NTRK3: variants seen among roughly 807,000 people sequenced by gnomAD.
The protein encoded by NTRK3 is neurotrophic receptor tyrosine kinase 3.
NTRK3 carries 24 observed loss-of-function variants against 91.7 expected under a neutral mutation model. The observed-to-expected ratio is 0.26, with a 90% CI of 0.19 to 0.37. NTRK3 has a LOEUF of 0.37. Among genes scored for constraint, NTRK3 ranks in the 10% least tolerant of loss-of-function variants. The pLI is 1.00. For missense variants in NTRK3, 880 were observed against 1,068.9 expected, an observed-to-expected ratio of 0.82 and a Z score of 2.46; for synonymous variants, 483 against 404.0, an observed-to-expected ratio of 1.20 and a Z score of -2.34.
chr15:88,087,428 C>T (rs1034428126), intron 13 of NTRK3, among the ~76,000 whole-genome samples: 1 of 152,166 alleles, frequency 6.6e-6, no homozygotes, highest in Non-Finnish European at 1.5e-5. Context: ...GCTAGAGGAA[C>T]CATCCCAGTA....
At chr15:88,238,992 C>A (rs1237670333) in intron 3 of NTRK3, among the ~76,000 whole-genome samples, 1 of 152,244 alleles carries the variant, frequency 6.6e-6, no homozygotes, top group South Asian at 2.1e-4. Flanking sequence ...TCCACTCAGA[C>A]AGTGGCTGTG....
At chr15:87,951,908 C>G (rs1331447235) in intron 14 of NTRK3, among the ~76,000 whole-genome samples, 1 of 152,122 alleles carries the variant, frequency 6.6e-6, no homozygotes, top group Non-Finnish European at 1.5e-5. Context: ...AGATAGATCA[C>G]CTGAGGTCAG....
At chr15:88,185,942 T>C (rs537995831) in intron 3 of NTRK3, among the ~76,000 whole-genome samples, 7 of 152,318 alleles carry the variant, frequency 4.6e-5, no homozygotes, top group African/African-American at 1.4e-4. Flanking sequence ...GCTGGGGACA[T>C]GGACCAGGTG....
intron 14 of NTRK3, among the ~76,000 whole-genome samples, chr15:87,945,563 C>G (rs1233236660): frequency 6.6e-6 from 1 of 152,108 alleles, no homozygotes; most frequent in Non-Finnish European, 1.5e-5. Flanking sequence ...CAGGGGTTAT[C>G]CCTCATCCTA....
intron 3 of NTRK3, among the ~76,000 whole-genome samples, chr15:88,227,933 C>T (rs2050823987): frequency 3.3e-5 from 5 of 152,128 alleles, no homozygotes; most frequent in Non-Finnish European, 7.4e-5. Flanking sequence ...CCTTGGCCCT[C>T]CTCCCTTCTT....
intron 13 of NTRK3, among the ~76,000 whole-genome samples, chr15:88,053,567 G>C (rs879367532): frequency 2.6e-5 from 4 of 152,184 alleles, no homozygotes; most frequent in African/African-American, 4.8e-5. Context: ...AGGGGTATGG[G>C]CTATGGTGGG....
chr15:88,063,904 G>T (rs28558505), intron 13 of NTRK3, among the ~76,000 whole-genome samples: 29,925 of 152,180 alleles, frequency 0.2, 4,467 homozygotes, highest in African/African-American at 0.42. Flanking sequence ...GTAGTGACTT[G>T]TACAGTGTCT....
intron 17 of NTRK3, among the ~76,000 whole-genome samples, chr15:87,887,388 C>G (rs908105195): frequency 1.2e-4 from 18 of 152,168 alleles, no homozygotes; most frequent in African/African-American, 4.1e-4. Context: ...TTTTGACAAG[C>G]ACTTAACACC....
intron 17 of NTRK3, among the ~76,000 whole-genome samples, chr15:87,914,046 G>C (rs887344125): frequency 1.3e-5 from 2 of 152,200 alleles, no homozygotes; most frequent in African/African-American, 4.8e-5. Context: ...AACCTGCTGA[G>C]AAGCCAGGAA....
intron 5 of NTRK3, among the ~76,000 whole-genome samples, chr15:88,181,196 G>A (rs1294577016): frequency 1.3e-5 from 2 of 152,156 alleles, no homozygotes; most frequent in African/African-American, 4.8e-5. Flanking sequence ...ATGTGTCCAG[G>A]AGAAAACAGG....
exon 19 of NTRK3, chr15:87,874,092 C>T (rs1303163353): frequency 8.7e-6 from 2 of 229,552 alleles, no homozygotes; most frequent in Non-Finnish European, 1.7e-5. Context: ...CTTATCAGTC[C>T]TGTCCCAATA....
intron 14 of NTRK3, among the ~76,000 whole-genome samples, chr15:87,943,308 C>T (rs1194482207): frequency 6.6e-6 from 1 of 152,074 alleles, no homozygotes; most frequent in Non-Finnish European, 1.5e-5. Context: ...TTTAGCCATG[C>T]CTCACTTCCA....
At chr15:87,950,285 G>A (rs544221461) in intron 14 of NTRK3, among the ~76,000 whole-genome samples, 28 of 152,338 alleles carry the variant, frequency 1.8e-4, no homozygotes, top group African/African-American at 5.5e-4. Flanking sequence ...AGGGTGAACC[G>A]TAGAAGGGGA....
At chr15:88,254,296 C>T (rs971476273) in intron 3 of NTRK3, among the ~76,000 whole-genome samples, 1 of 152,186 alleles carries the variant, frequency 6.6e-6, no homozygotes, top group Non-Finnish European at 1.5e-5. Flanking sequence ...TCCCTGCATC[C>T]TTGGGAATGC....
chr15:88,053,990 G>A (rs58187749), intron 13 of NTRK3, among the ~76,000 whole-genome samples: 2,820 of 152,274 alleles, frequency 0.019, 98 homozygotes, highest in African/African-American at 0.065. Context: ...CTGTGCCAAG[G>A]TAGATAGAAT....
In NTRK3 at chr15:88,243,002, G is replaced by GC. The variant is rs559275057; in HGVS notation, c.248+12903dup. ...GCCAGAAGTCCCCATAGGCCATAGG[G>GC]CCCTCCCACGGAGGAGGAGGAGCTG... is the stretch of plus-strand genomic sequence containing the variant. On this transcript the variant is annotated intron_variant, in intron 3 of 18. Coordinates refer to ENST00000394480, the Ensembl canonical transcript of NTRK3. This position sits in a 1 kb window ranked among gnomAD's most constrained non-coding sequence, Gnocchi z 4.8. 1.2e-4 allele frequency among the ~76,000 whole-genome samples: 18 copies of GC among 152,288 alleles called. 1 individual carries two copies. The highest frequency in any genetic ancestry group is 4.1e-4 in the African/African-American group (17 of 41,568).
intron 14 of NTRK3, among the ~76,000 whole-genome samples, chr15:87,989,772 A>C (rs1004414279): frequency 3.3e-5 from 5 of 151,098 alleles, no homozygotes; most frequent in Non-Finnish European, 7.4e-5. Flanking sequence ...ACACTTGGCT[A>C]ATTTTTGTAT....
rs182519966 is a variant in NTRK3 at position 88,112,190 on chromosome 15, G to A, written c.1396+14081C>T. Among the ~76,000 whole-genome samples, 236 of 152,330 alleles carry A rather than the reference G, an allele frequency of 1.5e-3. 1 individual carries two copies. Among genetic ancestry groups the A allele is most frequent in the Non-Finnish European group, 1.9e-3 (126 of 68,028 alleles). ...CAAAGTGCTAGGATTACAGGCGTGAGCCACCATGCTCAGCCTCTGGTTTCT... is the reference window on the plus strand; with the variant it reads ...CAAAGTGCTAGGATTACAGGCGTGAACCACCATGCTCAGCCTCTGGTTTCT... On this transcript the variant is annotated intron_variant, in intron 13 of 18. Coordinates refer to ENST00000394480, the Ensembl canonical transcript of NTRK3.
intron 13 of NTRK3, among the ~76,000 whole-genome samples, chr15:88,049,248 T>G (rs1319018520): frequency 6.6e-6 from 1 of 152,218 alleles, no homozygotes. Flanking sequence ...TAGTCTATTT[T>G]AAGTCCTTAA....
Sources: allele counts gnomAD v4.1 joint callset (sites outside exome capture counted in the v4.1 genomes callset), GRCh38; gene constraint gnomAD v4.1.1; non-coding constraint Gnocchi (gnomAD v3.1); transcripts MANE v1.5; gene names NCBI Gene and HGNC (gene_info 2026-07-23, HGNC 2026-07-21).